The following VASN variants were observed in gnomAD, a reference collection of about 807,000 sequenced individuals.
The protein encoded by VASN is vasorin, also known as protein slit-like 2.
In VASN, 5 loss-of-function variants were observed where a neutral mutation model predicts 4.8. The ratio of observed to expected loss-of-function variants is 1.03; its 90% CI spans 0.54 to 2.17. The LOEUF is 2.17. Ranked by LOEUF, VASN falls within the 30% of genes most tolerant of loss-of-function variation. VASN has a pLI of 0.01. For missense variants in VASN, 927 were observed against 948.8 expected (o/e 0.98, Z 0.30); for synonymous variants, 499 against 460.8 (o/e 1.08, Z -1.06).
intron 1 of VASN, among the ~76,000 whole-genome samples, chr16:4,372,721 G>A (rs2054580455): frequency 6.6e-6 from 1 of 152,176 alleles, no homozygotes; most frequent in Admixed American, 6.5e-5. Flanking sequence ...GTGGTCACTG[G>A]CAGGCCAGCC....
chr16:4,382,093 C>T lies in VASN; in HGVS notation c.1216C>T (p.Pro406Ser). 2 of 1,584,606 alleles carry T rather than the reference C, an allele frequency of 1.3e-6. No individual in the cohort carries two copies. Among genetic ancestry groups the T allele is most frequent in the East Asian group, 2.3e-5 (1 of 43,404 alleles). The change falls in exon 2 of 2, where the codon CCC (proline) becomes TCC (serine). Residue 406 changes from proline to serine, a missense_variant. Coordinates refer to ENST00000304735, the MANE Select transcript of VASN (RefSeq NM_138440.3). ...ACCGACTGTAGGGCCTGTCCCCCAG[C>T]CCCAGGACTGCCCACCGTCCACCTG... ...APPTVGPVPQ[P>S]QDCPPSTCLN...
rs1370153718 is a variant in VASN at position 4,380,860 on chromosome 16, T to C, written c.-9-9T>C. The stretch of plus-strand genomic sequence containing the variant: ...CAGTCTTCTGTCTCTGCCTCCTCTC[T>C]GCTCCCAGGGACAGAAGATGTGCTC... On this transcript the variant is annotated splice_polypyrimidine_tract_variant and intron_variant, in intron 1 of 1. Coordinates refer to ENST00000304735, the MANE Select transcript of VASN (RefSeq NM_138440.3). 2 of 1,486,710 alleles carry C rather than the reference T, an allele frequency of 1.3e-6. No individual in the cohort carries two copies. The highest frequency in any genetic ancestry group is 1.4e-5 in the African/African-American group (1 of 71,590). 92.1% of individuals were successfully genotyped at this position (1,486,710 alleles called of 1,614,324 possible). A position where few individuals can be genotyped will look rare whatever the true frequency, so the allele number is the denominator to read the frequency against.
chr16:4,372,789 C>A (rs768634590), intron 1 of VASN, among the ~76,000 whole-genome samples: 25 of 152,208 alleles, frequency 1.6e-4, no homozygotes, highest in Admixed American at 3.3e-4. Flanking sequence ...ACACCAGGGT[C>A]ACTGACCGCC....
In VASN at chr16:4,372,005, T is replaced by G. The variant is rs2054549964; in HGVS notation, c.-10+12T>G. 6.6e-6 allele frequency: 1 copy of G among 152,192 alleles called. No homozygotes were observed. The highest frequency in any genetic ancestry group is 1.9e-4 in the East Asian group (1 of 5,156). 9.4% of individuals were successfully genotyped at this position (152,192 alleles called of 1,614,324 possible). A position where few individuals can be genotyped will look rare whatever the true frequency, so the allele number is the denominator to read the frequency against. Reference sequence around the variant, plus strand: ...GCCGCCGCCTCCCGGTGAGTTTCTGTGGGGCTGGGGGGCTGCGGGCGGGGA... The same window carrying G: ...GCCGCCGCCTCCCGGTGAGTTTCTGGGGGGCTGGGGGGCTGCGGGCGGGGA... On this transcript the variant is annotated intron_variant, in intron 1 of 1. Transcript: ENST00000304735.
intron 1 of VASN, among the ~76,000 whole-genome samples, chr16:4,377,498 GAAC>G (rs917880736): frequency 1.3e-5 from 2 of 152,184 alleles, no homozygotes; most frequent in Non-Finnish European, 2.9e-5. Flanking sequence ...AAAACAAACA[GAAC>G]AACAGAAAAC....
intron 1 of VASN, among the ~76,000 whole-genome samples, chr16:4,374,061 GTTCTT>G (rs2054626604): frequency 6.6e-6 from 1 of 152,086 alleles, no homozygotes; most frequent in Non-Finnish European, 1.5e-5. Flanking sequence ...ATTTGCGTGA[GTTCTT>G]GGAGAAGGGG....
At position 4,383,044 on chromosome 16, in the gene VASN, C is replaced by A. The variant is rs1294592478; in HGVS notation, c.*145C>A. The stretch of plus-strand genomic sequence containing the variant: ...TGTGTGACCACAGCTGGGCCCTGTT[C>A]CCTCTGGACCTCGGTCTCCTCATCT... On this transcript the variant is annotated 3_prime_UTR_variant, in exon 2 of 2. Coordinates refer to ENST00000304735, the MANE Select transcript of VASN (RefSeq NM_138440.3). The A allele has an allele frequency of 2.2e-6, 2 of 893,238 alleles. No individual in the cohort carries two copies. Among genetic ancestry groups the A allele is most frequent in the South Asian group, 2.0e-5 (1 of 49,628 alleles). 55.3% of individuals were successfully genotyped at this position (893,238 alleles called of 1,614,324 possible). A position where few individuals can be genotyped will look rare whatever the true frequency, so the allele number is the denominator to read the frequency against.
intron 1 of VASN, among the ~76,000 whole-genome samples, chr16:4,378,436 C>T (rs942212552): frequency 6.6e-6 from 1 of 152,108 alleles, no homozygotes; most frequent in African/African-American, 2.4e-5. Flanking sequence ...GCTGGGAGGG[C>T]TAATTCAGGC....
At position 4,372,238 on chromosome 16, in the gene VASN, C is replaced by T. The variant is rs1202862874; in HGVS notation, c.-10+245C>T. Reference sequence around the variant, plus strand: ...CGCGCCTGAGTGTGCGGTGAGCCCGCGAGGCTGCAAGCAGACAAAATAAAC... The same window carrying T: ...CGCGCCTGAGTGTGCGGTGAGCCCGTGAGGCTGCAAGCAGACAAAATAAAC... On this transcript the variant is annotated intron_variant, in intron 1 of 1. Transcript: ENST00000304735. Among the ~76,000 whole-genome samples the T allele has an allele frequency of 7.2e-5, 11 of 152,286 alleles. No homozygotes were observed. The East Asian group carries it at 1.9e-3, about 27-fold the overall frequency.
intron 1 of VASN, among the ~76,000 whole-genome samples, chr16:4,376,768 G>A (rs958897060): frequency 6.6e-6 from 1 of 152,114 alleles, no homozygotes; most frequent in Non-Finnish European, 1.5e-5. Context: ...GGCCGCCAAG[G>A]GACAGCTCAC....
At chr16:4,373,538 A>G (rs1168894547) in intron 1 of VASN, among the ~76,000 whole-genome samples, 2 of 152,130 alleles carry the variant, frequency 1.3e-5, no homozygotes, top group Non-Finnish European at 1.5e-5. Flanking sequence ...GACACTGCCC[A>G]GACCTGTGCT....
Position 4,381,804 on chromosome 16 carries a change from TG to T in VASN, c.929del (p.Gly310AlafsTer91). On this transcript the variant is annotated frameshift_variant, in exon 2 of 2. Coordinates refer to ENST00000304735, the MANE Select transcript of VASN (RefSeq NM_138440.3). LOFTEE classifies it low-confidence loss of function (END_TRUNC). ...FNCVCPLSWF[G>X]PWVRESHVTL... ...ACTGCGTGTGCCCCCTGAGCTGGTTTGGCCCCTGGGTGCGCGAGAGCCACGT... is the reference window on the plus strand; with the variant it reads ...ACTGCGTGTGCCCCCTGAGCTGGTTTGCCCCTGGGTGCGCGAGAGCCACGT... 1 of 1,600,496 alleles carries T rather than the reference TG, an allele frequency of 6.2e-7. No individual in the cohort carries two copies. The highest frequency in any genetic ancestry group is 8.5e-7 in the Non-Finnish European group (1 of 1,179,442).
chr16:4,373,944 T>C (rs976627208), intron 1 of VASN, among the ~76,000 whole-genome samples: 1 of 152,142 alleles, frequency 6.6e-6, no homozygotes, highest in African/African-American at 2.4e-5. Context: ...ACTCTGTTAG[T>C]GACCTCTCCT....
Position 4,381,156 on chromosome 16 carries a change from C to G in VASN, c.279C>G (p.Ser93Arg). The G allele has an allele frequency of 1.2e-6, 2 of 1,611,054 alleles. No individual in the cohort carries two copies. Among genetic ancestry groups the G allele is most frequent in the Middle Eastern group, 1.7e-4 (1 of 6,056 alleles). The change falls in exon 2 of 2, where the codon AGC becomes AGG. Residue 93 changes from serine to arginine, a missense_variant. Physicochemically the swap from Ser to Arg is moderately radical, Grantham distance 110 (BLOSUM62 -1). Coordinates refer to ENST00000304735, the MANE Select transcript of VASN (RefSeq NM_138440.3). The stretch of plus-strand genomic sequence containing the variant: ...AGAACCAGATCGCCAGCCTGCCCAG[C>G]GGGGTCTTCCAGCCACTCGCCAACC... Reference protein sequence around the residue: ...LSQNQIASLPSGVFQPLANLS... With the variant: ...LSQNQIASLPRGVFQPLANLS...
chr16:4,375,615 G>A (rs538903088), intron 1 of VASN, among the ~76,000 whole-genome samples: 7 of 152,340 alleles, frequency 4.6e-5, no homozygotes, highest in African/African-American at 1.7e-4. Context: ...AGCCTCCCAA[G>A]TAGCTGGGAC....
Position 4,382,123 on chromosome 16 carries a change from A to C in VASN, c.1246A>C (p.Asn416His). The C allele has an allele frequency of 2.5e-6, 4 of 1,588,998 alleles. No individual in the cohort carries two copies. The highest frequency in any genetic ancestry group is 3.4e-6 in the Non-Finnish European group (4 of 1,168,212). ...GGACTGCCCACCGTCCACCTGCCTC[A>C]ATGGGGGCACATGCCACCTGGGGAC... ...PQDCPPSTCLNGGTCHLGTRH... is the reference protein window; with the variant it reads ...PQDCPPSTCLHGGTCHLGTRH... The change falls in exon 2 of 2, where the codon AAT becomes CAT. Residue 416 changes from asparagine to histidine, a missense_variant. Asn to His is a moderately conservative substitution (Grantham distance 68). Coordinates refer to ENST00000304735, the MANE Select transcript of VASN (RefSeq NM_138440.3).
chr16:4,374,068 G>C (rs1046623535), intron 1 of VASN, among the ~76,000 whole-genome samples: 1 of 150,044 alleles, frequency 6.7e-6, no homozygotes, highest in Non-Finnish European at 1.5e-5. Context: ...TGAGTTCTTG[G>C]AGAAGGGGGA....
At chr16:4,372,863 T>G (rs568876430) in intron 1 of VASN, among the ~76,000 whole-genome samples, 1 of 152,210 alleles carries the variant, frequency 6.6e-6, no homozygotes, top group Non-Finnish European at 1.5e-5. Flanking sequence ...GGGGTCTAGG[T>G]GTCCCCATGC....
rs746311370 is a variant in VASN, at chr16:4,381,780, C to T, written c.903C>T (p.Asn301=). The T allele has an allele frequency of 1.9e-6, 3 of 1,601,006 alleles. No individual in the cohort carries two copies. The highest frequency in any genetic ancestry group is 2.2e-5 in the East Asian group (1 of 44,856). ...TGGCAGCTGCCCGCAACCCCTTCAA[C>T]TGCGTGTGCCCCCTGAGCTGGTTTG... ...RLLAAARNPF[N]CVCPLSWFGP... The change falls in exon 2 of 2, where the codon AAC becomes AAT. Residue 301 remains asparagine (N), a synonymous_variant. Transcript: ENST00000304735.
Sources: allele counts gnomAD v4.1 joint callset (sites outside exome capture counted in the v4.1 genomes callset), GRCh38; gene constraint gnomAD v4.1.1; transcripts MANE v1.5; gene names NCBI Gene and HGNC (gene_info 2026-07-23, HGNC 2026-07-21).